Variants in ITPR3 observed in about 807,000 individuals in gnomAD.
ITPR3 encodes the protein inositol 1,4,5-trisphosphate receptor type 3, also known as inositol 1,4,5-trisphosphate-gated calcium channel ITPR3.
In ITPR3, 173 loss-of-function variants were observed where a neutral mutation model predicts 293.2. That is an observed-to-expected ratio of 0.59 (90% CI 0.52 to 0.67). ITPR3 has a LOEUF of 0.67. Among genes scored for constraint, ITPR3 ranks in the 30% least tolerant of loss-of-function variants. The pLI, the probability that ITPR3 is intolerant of heterozygous loss-of-function variation, is 0.00. For missense variants in ITPR3, 2,796 were observed against 3,592.1 expected (o/e 0.78, Z 5.66); for synonymous variants, 1,295 against 1,444.4 (o/e 0.90, Z 2.35).
In ITPR3 at chr6:33,694,966, C is replaced by G; in HGVS notation, c.7828C>G (p.Leu2610Val). 1 of 1,614,184 alleles carries G rather than the reference C, an allele frequency of 6.2e-7. No homozygotes were observed. Among genetic ancestry groups the G allele is most frequent in the Non-Finnish European group, 8.5e-7 (1 of 1,180,036 alleles). Residue 2610 changes from leucine (L) to valine (V), a missense_variant, in exon 57 of 58, where the codon CTT becomes GTT. By Grantham distance (32) the Leu-to-Val change is conservative (BLOSUM62 1). Transcript: ENST00000605930. ...DWFPRMRAMS[L>V]VSNEGEGEQN... is the part of the protein sequence containing the mutation. ...GTTCCCCCGGATGCGGGCCATGTCC[C>G]TTGTCAGCAATGAGGGCGAGGGGGA...
intron 1 of ITPR3, among the ~76,000 whole-genome samples, chr6:33,640,131 C>T (rs1200738576): frequency 6.6e-6 from 1 of 152,134 alleles, no homozygotes; most frequent in African/African-American, 2.4e-5. Context: ...CACCCACTGC[C>T]CATCCCATCA....
In ITPR3 at chr6:33,687,276, G is replaced by A. The variant is rs778571725; in HGVS notation, c.6126G>A (p.Ser2042=). 23 of 1,613,708 alleles carry A rather than the reference G, an allele frequency of 1.4e-5. No homozygotes were observed. The highest frequency in any genetic ancestry group is 3.3e-5 in the Admixed American group (2 of 59,982). ...TGCAGGAGGAAGAGCGTGAGAACTC[G>A]GAGGTGAGCCCACGTGAAGTGGGCC... ...AYLQEEEREN[S]EVSPREVGHN... is the part of the protein sequence containing the mutation. Residue 2042 remains serine (S), a synonymous_variant, in exon 45 of 58, where the codon TCG becomes TCA. Coordinates refer to ENST00000605930, the MANE Select transcript of ITPR3 (RefSeq NM_002224.4). This position sits in a 1 kb window ranked among gnomAD's most constrained non-coding sequence, Gnocchi z 5.3.
Position 33,682,783 on chromosome 6 carries a change from T to C in ITPR3, c.4597+139T>C. The stretch of plus-strand genomic sequence containing the variant: ...CAGGTGGTTGTCAGTAAGTTCTTCT[T>C]GGCGTCTGCCTCATCCTGGCAATTG... On this transcript the variant is annotated intron_variant, in intron 34 of 57. Coordinates refer to ENST00000605930, the MANE Select transcript of ITPR3 (RefSeq NM_002224.4). The surrounding 1 kb of genome is among the most constrained non-coding windows in gnomAD (Gnocchi z 5.4). 1 of 1,150,278 alleles carries C rather than the reference T, an allele frequency of 8.7e-7. No homozygotes were observed. Among genetic ancestry groups the C allele is most frequent in the Non-Finnish European group, 1.2e-6 (1 of 855,292 alleles). The allele number at this position is 1,150,278 out of a possible 1,614,324, so 71.3% of individuals were successfully genotyped here. A position where few individuals can be genotyped will look rare whatever the true frequency, so the allele number is the denominator to read the frequency against.
chr6:33,661,106 C>G (rs1452045550), intron 7 of ITPR3, among the ~76,000 whole-genome samples: 1 of 152,220 alleles, frequency 6.6e-6, no homozygotes, highest in African/African-American at 2.4e-5. Flanking sequence ...TGCCCCTGCC[C>G]TGCGCTACTG....
intron 48 of ITPR3, 78 bp from the exon 49 acceptor site, chr6:33,688,578 T>G: frequency 6.3e-7 from 1 of 1,586,460 alleles, no homozygotes; most frequent in African/African-American, 1.3e-5. Context: ...GGCTTCCTCC[T>G]GAGCGGGGCC....
Position 33,655,992 on chromosome 6 carries a change from C to A in ITPR3, c.282+105C>A. On this transcript the variant is annotated intron_variant, in intron 3 of 57. Coordinates refer to ENST00000605930, the MANE Select transcript of ITPR3 (RefSeq NM_002224.4). This position sits in a 1 kb window ranked among gnomAD's most constrained non-coding sequence, Gnocchi z 4.9. ...AGCCAGTAGGGGCTCTGTGGCTGAG[C>A]TGAGTGGTTTCTAAAACTCGTATGG... The A allele has an allele frequency of 6.8e-7, 1 of 1,466,990 alleles. No individual in the cohort carries two copies. The allele number at this position is 1,466,990 out of a possible 1,614,324, so 90.9% of individuals were successfully genotyped here. A position where few individuals can be genotyped will look rare whatever the true frequency, so the allele number is the denominator to read the frequency against.
rs145152037 is a variant in ITPR3 at position 33,667,790 on chromosome 6, A to G, written c.1714-2A>G. The G allele has an allele frequency of 1.2e-6, 2 of 1,613,696 alleles. No individual in the cohort carries two copies. Among genetic ancestry groups the G allele is most frequent in the African/African-American group, 1.3e-5 (1 of 74,940 alleles). Reference sequence around the variant, plus strand: ...TGACCCCCAGCCTGTCTGCCCCCCCAGGAGCACATTGCCAAGCAGTTTGGG... The same window carrying G: ...TGACCCCCAGCCTGTCTGCCCCCCCGGGAGCACATTGCCAAGCAGTTTGGG... On this transcript the variant is annotated splice_acceptor_variant, in intron 15 of 57. Transcript: ENST00000605930. LOFTEE classifies it high-confidence loss of function. This position sits in a 1 kb window ranked among gnomAD's most constrained non-coding sequence, Gnocchi z 4.4.
chr6:33,621,860 T>G lies in ITPR3; in HGVS notation c.89+169T>G, dbSNP rs1199609137. On this transcript the variant is annotated intron_variant, in intron 1 of 57. Coordinates refer to ENST00000605930, the MANE Select transcript of ITPR3 (RefSeq NM_002224.4). This position sits in a 1 kb window ranked among gnomAD's most constrained non-coding sequence, Gnocchi z 7.7. The stretch of plus-strand genomic sequence containing the variant: ...TCTTTTACAGAAAGGAAGTGAAGTG[T>G]TTGCTCAGGTAGGACTCGGGCTCCC... 6.6e-6 allele frequency among the ~76,000 whole-genome samples: 1 copy of G among 152,090 alleles called. No individual in the cohort carries two copies. The highest frequency in any genetic ancestry group is 1.5e-5 in the Non-Finnish European group (1 of 68,002).
chr6:33,648,066 CTTTTTTT>C (rs35776559), intron 2 of ITPR3, among the ~76,000 whole-genome samples: 5 of 130,436 alleles, frequency 3.8e-5, no homozygotes, highest in African/African-American at 1.1e-4. Context: ...ATTTCTTTTT[CTTTTTTT>C]TTTTTTTTTT....
At chr6:33,668,900 G>C in intron 17 of ITPR3, 74 bp from the exon 18 acceptor site, 1 of 1,477,798 alleles carries the variant, frequency 6.8e-7, no homozygotes, top group Non-Finnish European at 9.3e-7. Context: ...TGTGTGGCCG[G>C]GTGTGCTCAG....
rs1030427355 is a variant in ITPR3, at chr6:33,686,049, G to A, written c.5668-4G>A. On this transcript the variant is annotated splice_region_variant and splice_polypyrimidine_tract_variant and intron_variant, in intron 41 of 57. Coordinates refer to ENST00000605930, the MANE Select transcript of ITPR3 (RefSeq NM_002224.4). Reference sequence around the variant, plus strand: ...GCTGTGCCCAACCCTTCTGTGCCCCGCAGAACTTCCTGCGCTGTCAGAACA... The same window carrying A: ...GCTGTGCCCAACCCTTCTGTGCCCCACAGAACTTCCTGCGCTGTCAGAACA... 9.3e-6 allele frequency: 15 copies of A among 1,613,898 alleles called. No homozygotes were observed. The East Asian group carries it at 1.1e-4, about 12-fold the overall frequency.
In ITPR3 at chr6:33,687,387, C is replaced by A; in HGVS notation, c.6177+60C>A. The A allele has an allele frequency of 2.7e-6, 4 of 1,486,082 alleles. No individual in the cohort carries two copies. The highest frequency in any genetic ancestry group is 3.7e-6 in the Non-Finnish European group (4 of 1,081,194). The allele number at this position is 1,486,082 out of a possible 1,614,324, so 92.1% of individuals were successfully genotyped here. A position where few individuals can be genotyped will look rare whatever the true frequency, so the allele number is the denominator to read the frequency against. ...CCCTGGCCACCATACCCCGCCCCAG[C>A]TGCCATCATCCCCCAGTCGCCATTG... On this transcript the variant is annotated intron_variant, in intron 45 of 57. Transcript: ENST00000605930. This position sits in a 1 kb window ranked among gnomAD's most constrained non-coding sequence, Gnocchi z 5.3.
Position 33,670,799 on chromosome 6 carries a change from A to G in ITPR3, c.2570A>G (p.Asn857Ser), listed in dbSNP as rs775436501. ...EAVPFANEEK[N>S]KLTFEVVSLA... ...GTGCCCTTTGCCAACGAGGAGAAGAACAAGCTCACTTTTGAGGTGGCTGGG... is the reference window on the plus strand; with the variant it reads ...GTGCCCTTTGCCAACGAGGAGAAGAGCAAGCTCACTTTTGAGGTGGCTGGG... Residue 857 changes from asparagine (N) to serine (S), a missense_variant, in exon 20 of 58, where the codon AAC becomes AGC. Around this residue, in one of 8 missense-constraint regions of ITPR3, gnomAD observed 955 missense variants for 1,180.8 expected, o/e 0.81. Transcript: ENST00000605930. This position sits in a 1 kb window ranked among gnomAD's most constrained non-coding sequence, Gnocchi z 6.7. 1 of 1,613,886 alleles carries G rather than the reference A, an allele frequency of 6.2e-7. No homozygotes were observed. The highest frequency in any genetic ancestry group is 1.1e-5 in the South Asian group (1 of 91,090).
intron 27 of ITPR3, 85 bp downstream of exon 27, chr6:33,677,174 C>T (rs1561873344): frequency 8.0e-7 from 1 of 1,254,498 alleles, no homozygotes; most frequent in Non-Finnish European, 1.2e-6. Flanking sequence ...CTGTGCCTCT[C>T]CCTGTGCTGG....
intron 2 of ITPR3, among the ~76,000 whole-genome samples, chr6:33,642,118 G>T (rs1763966283): frequency 6.6e-6 from 1 of 152,152 alleles, no homozygotes; most frequent in Admixed American, 6.5e-5. Flanking sequence ...CCCCTCCCCA[G>T]CGTCCTCTTG....
At chr6:33,628,058 TG>T (rs1763590076) in intron 1 of ITPR3, among the ~76,000 whole-genome samples, 1 of 152,224 alleles carries the variant, frequency 6.6e-6, no homozygotes, top group African/African-American at 2.4e-5. Flanking sequence ...CTCCCTAGCT[TG>T]GCCCACTGGG....
chr6:33,662,796 A>G, intron 8 of ITPR3, 115 bp from the exon 9 acceptor site: 1 of 1,494,384 alleles, frequency 6.7e-7, no homozygotes, highest in South Asian at 1.3e-5. Flanking sequence ...TCCAGAGTCA[A>G]AAGGCCAGAG....
chr6:33,680,820 CTTTTTTT>C, intron 33 of ITPR3, 140 bp downstream of exon 33: 1 of 569,976 alleles, frequency 1.8e-6, no homozygotes, highest in Non-Finnish European at 2.6e-6. Context: ...TATTGGTTAT[CTTTTTTT>C]TTTTTTTTTT....
Position 33,678,755 on chromosome 6 carries a change from T to G in ITPR3, c.3888T>G (p.His1296Gln), listed in dbSNP as rs376221813. ...ACCTGCTGGCCACGCACGGGCGCCA[T>G]GTGCAGTACCTGGACTTCCTGCACA... ...FVHLLATHGR[H>Q]VQYLDFLHTV... Residue 1296 changes from histidine (H) to glutamine (Q), a missense_variant, in exon 30 of 58, where the codon CAT (histidine) becomes CAG (glutamine). His to Gln is a conservative substitution (Grantham distance 24). Around this residue, in one of 8 missense-constraint regions of ITPR3, gnomAD observed 344 missense variants for 460.3 expected, o/e 0.75. Transcript: ENST00000605930. 5.6e-6 allele frequency: 9 copies of G among 1,613,402 alleles called. No individual in the cohort carries two copies. Among genetic ancestry groups the G allele is most frequent in the Non-Finnish European group, 7.6e-6 (9 of 1,179,914 alleles).
Sources: allele counts gnomAD v4.1 joint callset (sites outside exome capture counted in the v4.1 genomes callset), GRCh38; gene constraint gnomAD v4.1.1; regional missense constraint gnomAD v4.1.1; non-coding constraint Gnocchi (gnomAD v3.1); transcripts MANE v1.5; gene names NCBI Gene and HGNC (gene_info 2026-07-23, HGNC 2026-07-21).